PRKCQ: variants seen among roughly 807,000 people sequenced by gnomAD.
PRKCQ encodes protein kinase C theta.
Under a neutral mutation model 91.2 loss-of-function variants are expected in PRKCQ, and 41 were observed. The observed-to-expected ratio is 0.45, with a 90% CI of 0.35 to 0.58. The LOEUF (loss-of-function observed/expected upper bound fraction) is 0.58. Ranked by LOEUF, PRKCQ falls within the 20% of genes least tolerant of loss-of-function variation. The probability of loss-of-function intolerance (pLI) is 0.00; values close to 1 mark genes in which losing one functional copy is unlikely to be tolerated. For synonymous variants in PRKCQ, 307 were observed against 316.9 expected, an observed-to-expected ratio of 0.97 and a Z score of 0.33; for missense variants, 673 against 896.5, an observed-to-expected ratio of 0.75 and a Z score of 3.18.
chr10:6,491,560 T>C lies in PRKCQ; in HGVS notation c.790+123A>G, dbSNP rs1434598738. The C allele has an allele frequency of 1.0e-5, 14 of 1,341,422 alleles. No individual in the cohort carries two copies. In the Admixed American group the frequency reaches 3.5e-4, roughly 33 times the overall value. The allele number at this position is 1,341,422 out of a possible 1,614,324, so 83.1% of individuals were successfully genotyped here. On this transcript the variant is annotated intron_variant, in intron 8 of 17. Coordinates refer to ENST00000263125, the MANE Select transcript of PRKCQ (RefSeq NM_006257.5). ...CCCCAGAAGACCATACTTATGATCATGACTTGTCTGGGCTGGGTGTGGAAG... is the reference window on the plus strand; with the variant it reads ...CCCCAGAAGACCATACTTATGATCACGACTTGTCTGGGCTGGGTGTGGAAG...
Position 6,511,193 on chromosome 10 carries a change from C to T in PRKCQ, c.120G>A (p.Glu40=). The T allele has an allele frequency of 6.2e-6, 10 of 1,613,866 alleles. No homozygotes were observed. The highest frequency in any genetic ancestry group is 8.5e-6 in the Non-Finnish European group (10 of 1,179,872). Residue 40 remains glutamate, a splice_region_variant and synonymous_variant, in exon 3 of 18, where the codon GAG becomes GAA. Coordinates refer to ENST00000263125, the MANE Select transcript of PRKCQ (RefSeq NM_006257.5). ...AVLVKEYVES[E]NGQMYIQKKP... ...TTTTCTGGATATACATCTGCCCGTT[C>T]TCTAGGAACAGAAACGTAAGGTCTC...
intron 16 of PRKCQ, among the ~76,000 whole-genome samples, chr10:6,435,105 G>T (rs962272191): frequency 6.6e-6 from 1 of 152,144 alleles, no homozygotes; most frequent in African/African-American, 2.4e-5. Flanking sequence ...TAGTAGAGAC[G>T]GGGAGTAAAG....
intron 12 of PRKCQ, among the ~76,000 whole-genome samples, chr10:6,477,732 G>T (rs1470565984): frequency 6.6e-6 from 1 of 152,164 alleles, no homozygotes; most frequent in Non-Finnish European, 1.5e-5. Context: ...GCTGAGTGTG[G>T]TGGTGCACAC....
chr10:6,407,394 G>A, the PRKCQ span, among the ~76,000 whole-genome samples: 2 of 151,550 alleles, frequency 1.3e-5, no homozygotes, highest in Admixed American at 6.7e-5. The surrounding 1 kb of genome is among the most constrained non-coding windows in gnomAD (Gnocchi z 4.0). Flanking sequence ...AGCTTGTGTC[G>A]GGCCCAGAAG....
intron 9 of PRKCQ, 73 bp downstream of exon 9, chr10:6,485,962 G>A (rs1160509225): frequency 2.3e-6 from 3 of 1,327,008 alleles, no homozygotes; most frequent in Non-Finnish European, 3.2e-6. Context: ...TGCCACAGGT[G>A]AAGCAGCAGA....
the PRKCQ span, among the ~76,000 whole-genome samples, chr10:6,402,371 CAAAAAA>C: frequency 9.0e-5 from 6 of 66,574 alleles, no homozygotes; most frequent in Non-Finnish European, 1.4e-4. Flanking sequence ...ATTTCAATGC[CAAAAAA>C]AAAAAAAAAA....
In PRKCQ at chr10:6,427,835, C is replaced by T; in HGVS notation, c.*372G>A. 4.0e-6 allele frequency: 1 copy of T among 248,104 alleles called. No homozygotes were observed. The highest frequency in any genetic ancestry group is 8.0e-6 in the Non-Finnish European group (1 of 125,420). 15.4% of individuals were successfully genotyped at this position (248,104 alleles called of 1,614,324 possible). ...TTGAGACGTCTGTACTCCGTTTGCC[C>T]CTGATTCAACAAGCATTTCATTGAT... On this transcript the variant is annotated 3_prime_UTR_variant, in exon 18 of 18. Transcript: ENST00000263125.
chr10:6,537,004 A>T (rs557036542), intron 1 of PRKCQ, among the ~76,000 whole-genome samples: 1 of 152,306 alleles, frequency 6.6e-6, no homozygotes, highest in East Asian at 1.9e-4. Flanking sequence ...TCAGAGTAGC[A>T]TGAGCTCTGG....
chr10:6,420,220 C>T, the PRKCQ span, among the ~76,000 whole-genome samples: 1 of 152,122 alleles, frequency 6.6e-6, no homozygotes, highest in Non-Finnish European at 1.5e-5. Flanking sequence ...AACTCCTGAC[C>T]TCGTGATCCA....
At chr10:6,555,521 T>C (rs772237557) in intron 1 of PRKCQ, among the ~76,000 whole-genome samples, 1 of 152,078 alleles carries the variant, frequency 6.6e-6, no homozygotes, top group Non-Finnish European at 1.5e-5. Flanking sequence ...ATCATTTGGA[T>C]GGGGGAAAAA....
intron 1 of PRKCQ, among the ~76,000 whole-genome samples, chr10:6,530,302 C>T (rs1464525746): frequency 6.6e-6 from 1 of 152,180 alleles, no homozygotes; most frequent in African/African-American, 2.4e-5. Flanking sequence ...TGAGCTGTCG[C>T]CCTTGGGTAC....
At chr10:6,482,638 G>A (rs997565424) in intron 11 of PRKCQ, among the ~76,000 whole-genome samples, 1 of 152,132 alleles carries the variant, frequency 6.6e-6, no homozygotes, top group African/African-American at 2.4e-5. Context: ...TGTTATAGCA[G>A]CCTGTATTAG....
chr10:6,405,669 C>T, the PRKCQ span, among the ~76,000 whole-genome samples: 1 of 152,154 alleles, frequency 6.6e-6, no homozygotes, highest in Admixed American at 6.5e-5. Flanking sequence ...CAACTATGCC[C>T]AAGAGCCCAC....
At chr10:6,534,774 CTA>C (rs56075764) in intron 1 of PRKCQ, among the ~76,000 whole-genome samples, 28,678 of 142,640 alleles carry the variant, frequency 0.2, 2,949 homozygotes, top group Middle Eastern at 0.33. Flanking sequence ...AAACATATAT[CTA>C]TATATATATA....
At chr10:6,568,806 C>CT (rs968410652) in intron 1 of PRKCQ, among the ~76,000 whole-genome samples, 12 of 151,908 alleles carry the variant, frequency 7.9e-5, no homozygotes, top group Non-Finnish European at 1.6e-4. Context: ...CCAGTTTAAT[C>CT]TTTTTTTTAA....
chr10:6,456,754 A>G lies in PRKCQ; in HGVS notation c.1567T>C (p.Phe523Leu). 1 of 1,614,092 alleles carries G rather than the reference A, an allele frequency of 6.2e-7. No individual in the cohort carries two copies. Among genetic ancestry groups the G allele is most frequent in the Non-Finnish European group, 8.5e-7 (1 of 1,179,982 alleles). Residue 523 changes from phenylalanine to leucine, a missense_variant, in exon 15 of 18, where the codon TTT (phenylalanine) becomes CTT (leucine). By Grantham distance (22) the Phe-to-Leu change is conservative (BLOSUM62 0). Transcript: ENST00000263125. ...DKDGHIKIADFGMCKENMLGD... is the reference protein window; with the variant it reads ...DKDGHIKIADLGMCKENMLGD... Reference sequence around the variant, plus strand: ...AACATGTTCTCCTTGCACATTCCAAAATCCGCGATCTTGATATGTCCATCT... The same window carrying G: ...AACATGTTCTCCTTGCACATTCCAAGATCCGCGATCTTGATATGTCCATCT...
chr10:6,503,527 T>G (rs1838029923), intron 4 of PRKCQ, among the ~76,000 whole-genome samples: 1 of 151,386 alleles, frequency 6.6e-6, no homozygotes, highest in Admixed American at 6.6e-5. Context: ...CAAAGTAGTC[T>G]GTTATGGAGA....
chr10:6,556,811 T>C (rs1007624404), intron 1 of PRKCQ, among the ~76,000 whole-genome samples: 41 of 152,274 alleles, frequency 2.7e-4, no homozygotes, highest in African/African-American at 9.6e-4. Context: ...TGTCCCACAC[T>C]TGTTCCCCTT....
chr10:6,425,595 C>A (rs758776615), downstream of PRKCQ, among the ~76,000 whole-genome samples: 1 of 152,042 alleles, frequency 6.6e-6, no homozygotes, highest in Non-Finnish European at 1.5e-5. Context: ...AAGGAAGTAA[C>A]AAGTACTTCG....
Sources: allele counts gnomAD v4.1 joint callset (sites outside exome capture counted in the v4.1 genomes callset), GRCh38; gene constraint gnomAD v4.1.1; non-coding constraint Gnocchi (gnomAD v3.1); transcripts MANE v1.5; gene names NCBI Gene and HGNC (gene_info 2026-07-23, HGNC 2026-07-21).